Variants in ATXN7 observed in about 807,000 individuals in gnomAD.
The protein encoded by ATXN7 is ataxin-7.
Under a neutral mutation model 70.5 loss-of-function variants are expected in ATXN7, and 12 were observed. The ratio of observed to expected loss-of-function variants is 0.17; its 90% CI spans 0.11 to 0.28. ATXN7 has a LOEUF of 0.28. Among genes scored for constraint, ATXN7 ranks in the 10% least tolerant of loss-of-function variants. The pLI is 1.00. For synonymous variants in ATXN7, 498 were observed against 448.7 expected (o/e 1.11, Z -1.39); for missense variants, 1,256 against 1,131.7 (o/e 1.11, Z -1.58).
intron 5 of ATXN7, among the ~76,000 whole-genome samples, chr3:63,977,654 T>G (rs1025324049): frequency 6.6e-6 from 1 of 152,174 alleles, no homozygotes; most frequent in African/African-American, 2.4e-5. Flanking sequence ...TGCTTCACTC[T>G]GGGGCCCATC....
intron 4 of ATXN7, among the ~76,000 whole-genome samples, chr3:63,916,649 G>T (rs1211876870): frequency 6.6e-6 from 1 of 152,196 alleles, no homozygotes; most frequent in African/African-American, 2.4e-5. Flanking sequence ...AAGGGTTAAT[G>T]TTGTGGCAGA....
chr3:63,999,456 G>C lies in ATXN7; in HGVS notation c.2668G>C (p.Ala890Pro). 6.2e-7 allele frequency: 1 copy of C among 1,613,896 alleles called. No homozygotes were observed. The highest frequency in any genetic ancestry group is 8.5e-7 in the Non-Finnish European group (1 of 1,179,914). Residue 890 changes from alanine to proline, a missense_variant, in exon 13 of 13, where the codon GCA becomes CCA. Transcript: ENST00000674280. ...ACCCCCTCTTTTTTGAAAGCCAAAG[G>C]CACGTCCCTGACAGCTGAAAATAGC... is the stretch of plus-strand genomic sequence containing the variant. The part of the protein sequence containing the change: ...MNSSLLHQPK[A>P]RP
chr3:63,954,543 T>G (rs2075007091), intron 5 of ATXN7, among the ~76,000 whole-genome samples: 1 of 152,140 alleles, frequency 6.6e-6, no homozygotes, highest in South Asian at 2.1e-4. Flanking sequence ...GTGATGTGAC[T>G]TAGTGGTGCC....
intron 5 of ATXN7, among the ~76,000 whole-genome samples, chr3:63,976,282 CT>C (rs1389538508): frequency 6.6e-6 from 1 of 152,210 alleles, no homozygotes; most frequent in Non-Finnish European, 1.5e-5. Flanking sequence ...GTTTTTCCTT[CT>C]TGCTTTCTTG....
At chr3:63,919,844 T>C (rs1174946866) in intron 4 of ATXN7, among the ~76,000 whole-genome samples, 2 of 147,294 alleles carry the variant, frequency 1.4e-5, no homozygotes, top group East Asian at 2.1e-4. Flanking sequence ...ATAGCGCTGT[T>C]ATTGCCCCAG....
In ATXN7 at chr3:63,995,758, G is replaced by C; in HGVS notation, c.1936G>C (p.Val646Leu). The change falls in exon 12 of 13, where the codon GTG becomes CTG. Residue 646 changes from valine to leucine, a missense_variant. By Grantham distance (32) the Val-to-Leu change is conservative. Transcript: ENST00000674280. ...DPVCSMQSRQ[V>L]SSSSSSPSTP... The stretch of plus-strand genomic sequence containing the variant: ...TGTGTGCAGTATGCAATCCAGACAA[G>C]TGTCCTCTTCATCCTCATCCCCTTC... 6.2e-7 allele frequency: 1 copy of C among 1,614,216 alleles called. No individual in the cohort carries two copies. The highest frequency in any genetic ancestry group is 8.5e-7 in the Non-Finnish European group (1 of 1,180,036).
At chr3:63,998,156 C>G in intron 12 of ATXN7, 1 of 967,378 alleles carries the variant, frequency 1.0e-6, no homozygotes, top group Non-Finnish European at 1.2e-6. Flanking sequence ...TTCATTTAGA[C>G]AGGAGTGTAG....
intron 5 of ATXN7, chr3:63,968,219 G>A (rs899454082): frequency 4.8e-5 from 21 of 434,914 alleles, no homozygotes; most frequent in South Asian, 3.9e-4. Flanking sequence ...GTGGGTAATC[G>A]CAGCCACAGG....
intron 4 of ATXN7, among the ~76,000 whole-genome samples, chr3:63,937,890 A>G (rs1312253876): frequency 1.3e-5 from 2 of 152,180 alleles, no homozygotes; most frequent in African/African-American, 2.4e-5. Context: ...TACCTATACT[A>G]CAGGGTTGCA....
chr3:63,956,259 G>A (rs536129986), intron 5 of ATXN7, among the ~76,000 whole-genome samples: 53 of 151,866 alleles, frequency 3.5e-4, no homozygotes, highest in African/African-American at 9.9e-4. Context: ...GTGAAACCCC[G>A]TCTGTACTAA....
chr3:63,889,549 C>A (rs114066963), intron 1 of ATXN7, among the ~76,000 whole-genome samples: 3,406 of 152,172 alleles, frequency 0.022, 68 homozygotes, highest in African/African-American at 0.056. Flanking sequence ...TCAGAAAAAT[C>A]AAATCTTCAG....
At chr3:63,954,395 C>T (rs1373631899) in intron 5 of ATXN7, among the ~76,000 whole-genome samples, 1 of 152,182 alleles carries the variant, frequency 6.6e-6, no homozygotes, top group East Asian at 1.9e-4. Flanking sequence ...TCACCATTGG[C>T]CAGAACTGAT....
chr3:63,958,231 A>G (rs2075069460), intron 5 of ATXN7, among the ~76,000 whole-genome samples: 1 of 152,206 alleles, frequency 6.6e-6, no homozygotes, highest in Non-Finnish European at 1.5e-5. Flanking sequence ...GTTCCTTGAT[A>G]TGCATTGAGG....
chr3:63,977,363 A>G (rs1476014284), intron 5 of ATXN7, among the ~76,000 whole-genome samples: 3 of 152,216 alleles, frequency 2.0e-5, no homozygotes, highest in Admixed American at 6.5e-5. Flanking sequence ...AAGAAAATAC[A>G]TCACACATTT....
intron 8 of ATXN7, among the ~76,000 whole-genome samples, chr3:63,986,465 G>A (rs2075580076): frequency 6.6e-6 from 1 of 152,168 alleles, no homozygotes; most frequent in African/African-American, 2.4e-5. Context: ...TCAAGCTGAG[G>A]AGAGGTTTAT....
At chr3:63,991,983 A>C (rs1229219412) in intron 11 of ATXN7, among the ~76,000 whole-genome samples, 3 of 152,180 alleles carry the variant, frequency 2.0e-5, no homozygotes, top group Non-Finnish European at 4.4e-5. Context: ...AACATCTTGG[A>C]GAACTAGTAT....
chr3:63,912,855 G>A lies in ATXN7; in HGVS notation c.257G>A (p.Ser86Asn), dbSNP rs370299464. 9.9e-6 allele frequency: 16 copies of A among 1,613,262 alleles called. No homozygotes were observed. In the South Asian group the frequency reaches 1.4e-4, roughly 14 times the overall value. ...GTCGGGGAGCGCAGGCCTCTGCCCAGTCCTGAAGTGATGCTGGGACAGTCG... is the reference window on the plus strand; with the variant it reads ...GTCGGGGAGCGCAGGCCTCTGCCCAATCCTGAAGTGATGCTGGGACAGTCG... Reference protein sequence around the residue: ...ATVGERRPLPSPEVMLGQSWN... With the variant: ...ATVGERRPLPNPEVMLGQSWN... Residue 86 changes from serine (S) to asparagine (N), a missense_variant, in exon 3 of 13, where the codon AGT becomes AAT. By Grantham distance (46) the Ser-to-Asn change is conservative (BLOSUM62 1). Transcript: ENST00000674280.
chr3:63,903,386 C>CAAA (rs775558434), intron 2 of ATXN7, among the ~76,000 whole-genome samples: 13 of 49,498 alleles, frequency 2.6e-4, no homozygotes, highest in Admixed American at 9.0e-4. Flanking sequence ...GACTCCGTCT[C>CAAA]AAAAAAAAAA....
intron 4 of ATXN7, among the ~76,000 whole-genome samples, chr3:63,944,497 G>T (rs954286917): frequency 3.3e-5 from 5 of 152,024 alleles, no homozygotes; most frequent in African/African-American, 1.2e-4. Context: ...TGGACAAAGG[G>T]ATGATACATG....
Sources: allele counts gnomAD v4.1 joint callset (sites outside exome capture counted in the v4.1 genomes callset), GRCh38; gene constraint gnomAD v4.1.1; transcripts MANE v1.5; gene names NCBI Gene and HGNC (gene_info 2026-07-23, HGNC 2026-07-21).